Variants in DLG2 observed in about 807,000 individuals in gnomAD.
DLG2 encodes the protein disks large homolog 2.
Under a neutral mutation model 132.5 loss-of-function variants are expected in DLG2, and 45 were observed. The observed-to-expected ratio is 0.34, with a 90% CI of 0.27 to 0.44. DLG2 has a LOEUF of 0.44. Ranked by LOEUF, DLG2 falls within the 20% of genes least tolerant of loss-of-function variation. DLG2 has a pLI of 1.00. For synonymous variants in DLG2, 424 were observed against 419.6 expected, an observed-to-expected ratio of 1.01 and a Z score of -0.13; for missense variants, 1,045 against 1,196.9, an observed-to-expected ratio of 0.87 and a Z score of 1.87.
intron 3 of DLG2, among the ~76,000 whole-genome samples, chr11:85,535,245 G>C (rs1435845375): frequency 6.6e-6 from 1 of 152,042 alleles, no homozygotes; most frequent in East Asian, 1.9e-4. Context: ...AGCTGACTTT[G>C]AGGAGAAAAA....
At chr11:84,784,362 A>AATT (rs1555220705) in intron 6 of DLG2, among the ~76,000 whole-genome samples, 5,215 of 140,118 alleles carry the variant, frequency 0.037, 184 homozygotes, top group Non-Finnish European at 0.044. Flanking sequence ...ATAAATAAAT[A>AATT]AATAAATTAA....
chr11:84,395,944 G>A (rs1247461200), intron 7 of DLG2, among the ~76,000 whole-genome samples: 3 of 152,120 alleles, frequency 2.0e-5, no homozygotes. Context: ...GCTGCCCAAG[G>A]GCAATGGGCT....
intron 19 of DLG2, among the ~76,000 whole-genome samples, chr11:83,598,400 T>C (rs1336969783): frequency 6.6e-6 from 1 of 152,240 alleles, no homozygotes; most frequent in African/African-American, 2.4e-5. Context: ...TAGCTTCTCA[T>C]TTCAGTCAGA....
At chr11:83,555,863 GTTTCCAATCTCACAGCCA>G (rs768961326) in intron 19 of DLG2, among the ~76,000 whole-genome samples, 16 of 152,164 alleles carry the variant, frequency 1.1e-4, no homozygotes, top group Non-Finnish European at 1.8e-4. Context: ...CTCTAAACCT[GTTTCCAATCTCACAGCCA>G]TTTCCAATCT....
chr11:84,888,944 G>A (rs1414826328), intron 6 of DLG2, among the ~76,000 whole-genome samples: 1 of 152,046 alleles, frequency 6.6e-6, no homozygotes, highest in South Asian at 2.1e-4. Context: ...AGGTAGATCT[G>A]GGTTTATTAT....
At chr11:83,791,662 G>A (rs1347905099) in intron 17 of DLG2, 1 of 321,432 alleles carries the variant, frequency 3.1e-6, no homozygotes, top group Non-Finnish European at 5.9e-6. Flanking sequence ...AGCCGGGCGC[G>A]GTGGCTCACG....
In DLG2 at chr11:84,669,010, G is replaced by A. The variant is rs182744418; in HGVS notation, c.358-134279C>T. Among the ~76,000 whole-genome samples the A allele has an allele frequency of 1.8e-3, 276 of 152,188 alleles. 1 individual carries two copies. The highest frequency in any genetic ancestry group is 6.4e-3 in the African/African-American group (264 of 41,530). ...ACAGGTGTATCTTCAAATTGGGGGA[G>A]TATATAGTATATCTGGTCTTGAGAA... On this transcript the variant is annotated intron_variant, in intron 6 of 27. Transcript: ENST00000376104.
At chr11:83,765,619 G>T (rs1051211060) in intron 18 of DLG2, among the ~76,000 whole-genome samples, 1 of 152,212 alleles carries the variant, frequency 6.6e-6, no homozygotes, top group East Asian at 1.9e-4. Flanking sequence ...GATATTTAAT[G>T]CAGCATTAGA....
chr11:84,152,004 G>C (rs563196602), intron 9 of DLG2, among the ~76,000 whole-genome samples: 1 of 152,282 alleles, frequency 6.6e-6, no homozygotes, highest in African/African-American at 2.4e-5. Context: ...ATACAGACAA[G>C]AAGAATGTAC....
chr11:83,627,026 G>T (rs147381461), intron 19 of DLG2, among the ~76,000 whole-genome samples: 9 of 152,060 alleles, frequency 5.9e-5, no homozygotes, highest in African/African-American at 2.2e-4. Context: ...AGAAAACAGC[G>T]TCTTAGTCAC....
At chr11:83,575,717 T>C (rs1465084730) in intron 19 of DLG2, among the ~76,000 whole-genome samples, 1 of 152,106 alleles carries the variant, frequency 6.6e-6, no homozygotes, top group Non-Finnish European at 1.5e-5. Context: ...TAAAACATAA[T>C]TACCCCTAAA....
Position 84,002,761 on chromosome 11 carries a change from C to T in DLG2, c.920-22119G>A, listed in dbSNP as rs780791878. Among the ~76,000 whole-genome samples, 4 of 152,242 alleles carry T rather than the reference C, an allele frequency of 2.6e-5. No individual in the cohort carries two copies. In the South Asian group the frequency reaches 6.2e-4, roughly 24 times the overall value. On this transcript the variant is annotated intron_variant, in intron 11 of 27. Coordinates refer to ENST00000376104, the MANE Select transcript of DLG2 (RefSeq NM_001142699.3). The stretch of plus-strand genomic sequence containing the variant: ...TTGCCATGAAGATGTCCAACATGCC[C>T]TGGAGACATTTTTCCCATTGTCTTG...
chr11:84,038,080 T>C (rs1593686423), intron 11 of DLG2, among the ~76,000 whole-genome samples: 1 of 151,994 alleles, frequency 6.6e-6, no homozygotes, highest in Non-Finnish European at 1.5e-5. Context: ...GTATTAAGCA[T>C]AGTGCCCATT....
chr11:85,166,902 G>GTATAT (rs2078491459), intron 4 of DLG2, among the ~76,000 whole-genome samples: 1 of 151,994 alleles, frequency 6.6e-6, no homozygotes, highest in Non-Finnish European at 1.5e-5. Context: ...ATACATATCC[G>GTATAT]AAAAGTTTCC....
chr11:84,041,087 G>A (rs1314402263), intron 11 of DLG2, among the ~76,000 whole-genome samples: 1 of 151,874 alleles, frequency 6.6e-6, no homozygotes, highest in Non-Finnish European at 1.5e-5. Flanking sequence ...CTGAGACTTT[G>A]CTGAAGTTGC....
chr11:84,606,110 T>C (rs553917260), intron 6 of DLG2, among the ~76,000 whole-genome samples: 27 of 152,204 alleles, frequency 1.8e-4, no homozygotes, highest in Admixed American at 1.8e-3. Flanking sequence ...GCTACTCAAA[T>C]ACTTCTAAAA....
intron 8 of DLG2, among the ~76,000 whole-genome samples, chr11:84,249,312 A>T (rs928721156): frequency 1.3e-5 from 2 of 152,218 alleles, no homozygotes; most frequent in African/African-American, 4.8e-5. Context: ...GTGACAAGTT[A>T]TCTCTCATCC....
chr11:84,540,357 A>C (rs1047634591), intron 6 of DLG2, among the ~76,000 whole-genome samples: 5 of 149,906 alleles, frequency 3.3e-5, no homozygotes. Flanking sequence ...AAAAAAAAAA[A>C]AAACCCCATC....
At chr11:84,317,137 T>A in intron 7 of DLG2, 1 of 1,611,834 alleles carries the variant, frequency 6.2e-7, no homozygotes, top group Non-Finnish European at 8.5e-7. Context: ...TGGTGAGGTA[T>A]GCATTCATAC....
Sources: gnomAD v4.1 joint callset for allele counts (sites outside exome capture counted in the v4.1 genomes callset) on GRCh38, gnomAD v4.1.1 for gene constraint, MANE v1.5 for transcripts, NCBI Gene and HGNC (gene_info 2026-07-23, HGNC 2026-07-21) for gene names.